Variants in PDZRN3 observed in about 807,000 individuals in gnomAD.
The protein encoded by PDZRN3 is E3 ubiquitin-protein ligase PDZRN3.
Under a neutral mutation model 85.7 loss-of-function variants are expected in PDZRN3, and 38 were observed. The ratio of observed to expected loss-of-function variants is 0.44; its 90% CI spans 0.34 to 0.58. The LOEUF is 0.58. PDZRN3 is among the 20% of genes least tolerant of loss of function. The pLI is 0.01. For synonymous variants in PDZRN3, 759 were observed against 638.0 expected, an observed-to-expected ratio of 1.19 and a Z score of -2.86; for missense variants, 1,629 against 1,506.4, an observed-to-expected ratio of 1.08 and a Z score of -1.35.
chr3:73,593,709 T>TACACACACACAC (rs57922621), intron 3 of PDZRN3, among the ~76,000 whole-genome samples: 1 of 141,838 alleles, frequency 7.1e-6, no homozygotes, highest in Admixed American at 7.1e-5. Context: ...GAAATAAATA[T>TACACACACACAC]ACACACACAC....
intron 1 of PDZRN3, among the ~76,000 whole-genome samples, chr3:73,619,054 G>A (rs1303479534): frequency 2.0e-5 from 3 of 152,164 alleles, no homozygotes; most frequent in Admixed American, 2.0e-4. Context: ...GGACAAAATA[G>A]TTTCTAGGAT....
chr3:73,563,013 A>ATATATATATATATATAT (rs1187151191), intron 3 of PDZRN3, among the ~76,000 whole-genome samples: 3 of 43,758 alleles, frequency 6.9e-5, no homozygotes, highest in African/African-American at 1.0e-4. Context: ...ATATATATAT[A>ATATATATATATATATAT]TTTTTTTTTT....
intron 3 of PDZRN3, among the ~76,000 whole-genome samples, chr3:73,563,013 A>ATATATT (rs1187151191): frequency 6.9e-5 from 3 of 43,760 alleles, no homozygotes; most frequent in African/African-American, 2.0e-4. Flanking sequence ...ATATATATAT[A>ATATATT]TTTTTTTTTT....
intron 1 of PDZRN3, among the ~76,000 whole-genome samples, chr3:73,609,980 CG>C (rs367835148): frequency 2.6e-5 from 4 of 152,144 alleles, no homozygotes; most frequent in African/African-American, 9.7e-5. Flanking sequence ...AAAAATATTA[CG>C]AAAGATCAAT....
chr3:73,465,278 T>C (rs571702024), intron 3 of PDZRN3, among the ~76,000 whole-genome samples: 2 of 152,302 alleles, frequency 1.3e-5, no homozygotes, highest in South Asian at 4.1e-4. Context: ...CTTCTATGTG[T>C]TTTAGTTTTT....
At chr3:73,401,627 C>T (rs965271271) in intron 4 of PDZRN3, 2 of 152,384 alleles carry the variant, frequency 1.3e-5, no homozygotes, top group African/African-American at 4.8e-5. Flanking sequence ...TGAGTACACA[C>T]ACATTCACTC....
intron 3 of PDZRN3, among the ~76,000 whole-genome samples, chr3:73,554,712 C>G (rs559708420): frequency 2.0e-5 from 3 of 152,314 alleles, no homozygotes; most frequent in South Asian, 2.1e-4. Flanking sequence ...TTCATCCACA[C>G]TCACTGGCAG....
chr3:73,504,869 A>G (rs1704042927), intron 3 of PDZRN3, among the ~76,000 whole-genome samples: 2 of 152,194 alleles, frequency 1.3e-5, no homozygotes, highest in African/African-American at 4.8e-5. Context: ...TTAACAACAT[A>G]ATTGATTGAC....
intron 3 of PDZRN3, among the ~76,000 whole-genome samples, chr3:73,577,342 A>G (rs996205493): frequency 1.3e-5 from 2 of 152,136 alleles, no homozygotes; most frequent in Non-Finnish European, 2.9e-5. Context: ...GCAACCCCAC[A>G]CGTAATCAGA....
At chr3:73,536,471 G>A (rs1463840470) in intron 3 of PDZRN3, among the ~76,000 whole-genome samples, 1 of 152,206 alleles carries the variant, frequency 6.6e-6, no homozygotes, top group African/African-American at 2.4e-5. Context: ...GGCTTTGCTG[G>A]CATGACAGGT....
At chr3:73,515,440 T>C (rs905605293) in intron 3 of PDZRN3, among the ~76,000 whole-genome samples, 4 of 152,164 alleles carry the variant, frequency 2.6e-5, no homozygotes, top group African/African-American at 4.8e-5. Flanking sequence ...CCTCCCAAAG[T>C]GCTGGGATTA....
chr3:73,396,344 GC>G (rs1196573072), intron 5 of PDZRN3, among the ~76,000 whole-genome samples: 3 of 152,192 alleles, frequency 2.0e-5, no homozygotes, highest in African/African-American at 7.2e-5. Flanking sequence ...CTGGGGCACT[GC>G]CACGCAGGCC....
chr3:73,555,820 A>G (rs1701681616), intron 3 of PDZRN3, among the ~76,000 whole-genome samples: 1 of 152,230 alleles, frequency 6.6e-6, no homozygotes, highest in Non-Finnish European at 1.5e-5. Context: ...GTAGAAAAAT[A>G]AAAAGAATAG....
intron 3 of PDZRN3, among the ~76,000 whole-genome samples, chr3:73,459,028 A>G (rs912458556): frequency 1.3e-5 from 2 of 152,104 alleles, no homozygotes; most frequent in South Asian, 4.2e-4. Context: ...GAAAAAAGAA[A>G]AGAGGTTTAA....
intron 3 of PDZRN3, chr3:73,569,623 C>T (rs1702014906): frequency 9.3e-6 from 9 of 966,544 alleles, no homozygotes; most frequent in African/African-American, 1.8e-5. Context: ...AGCCCTGTGT[C>T]TGGGGTCTTC....
chr3:73,490,677 G>A (rs902939644), intron 3 of PDZRN3, among the ~76,000 whole-genome samples: 2 of 152,194 alleles, frequency 1.3e-5, no homozygotes, highest in African/African-American at 4.8e-5. Context: ...CACTTAAGGG[G>A]AAAAGGCTGA....
At chr3:73,405,739 C>G (rs1258226686) in intron 3 of PDZRN3, among the ~76,000 whole-genome samples, 3 of 152,142 alleles carry the variant, frequency 2.0e-5, no homozygotes, top group Admixed American at 2.0e-4. Flanking sequence ...GAACACTGAA[C>G]CACAGCCTTT....
intron 3 of PDZRN3, among the ~76,000 whole-genome samples, chr3:73,509,185 G>T (rs565384232): frequency 6.6e-6 from 1 of 152,306 alleles, no homozygotes; most frequent in South Asian, 2.1e-4. Context: ...TATGTGTTTT[G>T]ACTTTTCCTT....
intron 3 of PDZRN3, among the ~76,000 whole-genome samples, chr3:73,465,565 A>G (rs1703196155): frequency 6.6e-6 from 1 of 152,250 alleles, no homozygotes; most frequent in Admixed American, 6.5e-5. Context: ...AGATCTCACC[A>G]TTATACAATG....
Sources: allele counts gnomAD v4.1 joint callset (sites outside exome capture counted in the v4.1 genomes callset), GRCh38; gene constraint gnomAD v4.1.1; transcripts MANE v1.5; gene names NCBI Gene and HGNC (gene_info 2026-07-23, HGNC 2026-07-21).